NOX4: variants seen among roughly 807,000 people sequenced by gnomAD.
NOX4 encodes the protein kidney oxidase-1.
Under a neutral mutation model 87.6 loss-of-function variants are expected in NOX4, and 69 were observed. The ratio of observed to expected loss-of-function variants is 0.79; its 90% CI spans 0.65 to 0.96. The LOEUF is 0.96. Ranked by LOEUF, NOX4 falls within the 40% of genes least tolerant of loss-of-function variation. The pLI, the probability that NOX4 is intolerant of heterozygous loss-of-function variation, is 0.00. For synonymous variants in NOX4, 275 were observed against 238.2 expected, an observed-to-expected ratio of 1.15 and a Z score of -1.42; for missense variants, 680 against 681.5, an observed-to-expected ratio of 1.00 and a Z score of 0.02.
the NOX4 span, among the ~76,000 whole-genome samples, chr11:89,535,511 T>C: frequency 6.6e-6 from 1 of 152,198 alleles, no homozygotes; most frequent in Non-Finnish European, 1.5e-5. Context: ...GAACGCCAGA[T>C]GTTGTAGCAA....
At chr11:89,354,819 G>A (rs1937885629) in intron 13 of NOX4, 143 bp downstream of exon 13, 1 of 544,802 alleles carries the variant, frequency 1.8e-6, no homozygotes, top group Non-Finnish European at 3.4e-6. Context: ...TTATATTGCA[G>A]AAGATGTCTT....
intron 5 of NOX4, among the ~76,000 whole-genome samples, chr11:89,441,762 G>C (rs973147086): frequency 6.6e-6 from 1 of 151,864 alleles, no homozygotes; most frequent in African/African-American, 2.4e-5. Context: ...AAACATGAGA[G>C]TGAGAGATGT....
At chr11:89,346,740 C>T (rs368984413) in intron 13 of NOX4, among the ~76,000 whole-genome samples, 9 of 152,164 alleles carry the variant, frequency 5.9e-5, no homozygotes, top group Non-Finnish European at 7.4e-5. Context: ...TCTCAGTCAG[C>T]ACTAAGGCTT....
the NOX4 span, among the ~76,000 whole-genome samples, chr11:89,564,914 A>G: frequency 6.6e-6 from 1 of 152,164 alleles, no homozygotes; most frequent in African/African-American, 2.4e-5. Context: ...TGGAAGATCC[A>G]GTCATGGAAA....
At chr11:89,379,827 C>T (rs954875488) in intron 11 of NOX4, among the ~76,000 whole-genome samples, 4 of 152,126 alleles carry the variant, frequency 2.6e-5, no homozygotes, top group African/African-American at 7.2e-5. Context: ...TCCACTATCA[C>T]CACCCTGGTC....
At chr11:89,365,243 G>C (rs1938868057) in intron 12 of NOX4, among the ~76,000 whole-genome samples, 1 of 151,986 alleles carries the variant, frequency 6.6e-6, no homozygotes, top group Non-Finnish European at 1.5e-5. Context: ...AGTGATAAAA[G>C]TCTATTTCTG....
At position 89,421,909 on chromosome 11, in the gene NOX4, C is replaced by T. The variant is rs758523564; in HGVS notation, c.622G>A (p.Val208Ile). The T allele has an allele frequency of 5.1e-6, 8 of 1,565,238 alleles. No individual in the cohort carries two copies. Among genetic ancestry groups the T allele is most frequent in the East Asian group, 2.4e-5 (1 of 41,634 alleles). The stretch of plus-strand genomic sequence containing the variant: ...ATACATTTGTAAACTTACCCTGAAA[C>T]ATGCAACGTCAGCAGCATGTAGAAG... Reference protein sequence around the residue: ...FVFYMLLTLHVSGGLLKYQTN... With the variant: ...FVFYMLLTLHISGGLLKYQTN... The change falls in exon 8 of 18, where the codon GTT becomes ATT. Residue 208 changes from valine (V) to isoleucine (I), a missense_variant. Val to Ile is a conservative substitution (Grantham distance 29). Coordinates refer to ENST00000263317, the MANE Select transcript of NOX4 (RefSeq NM_016931.5).
chr11:89,506,067 A>G, the NOX4 span, among the ~76,000 whole-genome samples: 2 of 151,868 alleles, frequency 1.3e-5, no homozygotes, highest in Non-Finnish European at 2.9e-5. Flanking sequence ...TAGATAAACA[A>G]ACCAATGAAA....
chr11:89,585,325 A>G, the NOX4 span, among the ~76,000 whole-genome samples: 1 of 152,152 alleles, frequency 6.6e-6, no homozygotes, highest in Non-Finnish European at 1.5e-5. Flanking sequence ...AGACCTTCTG[A>G]AATCCACTGT....
At chr11:89,400,467 A>G in intron 9 of NOX4, 88 bp from the exon 10 acceptor site, 1 of 782,124 alleles carries the variant, frequency 1.3e-6, no homozygotes, top group Non-Finnish European at 1.9e-6. Flanking sequence ...CATACATTAC[A>G]GTAATAGTAT....
intron 17 of NOX4, among the ~76,000 whole-genome samples, chr11:89,330,762 T>C (rs2135363142): frequency 6.6e-6 from 1 of 151,844 alleles, no homozygotes; most frequent in South Asian, 2.1e-4. Context: ...TACAAAGCAA[T>C]GGTGAACTGC....
intron 2 of NOX4, among the ~76,000 whole-genome samples, chr11:89,457,377 G>A (rs987575774): frequency 6.6e-6 from 1 of 152,162 alleles, no homozygotes; most frequent in Non-Finnish European, 1.5e-5. Context: ...ACTGCCATAG[G>A]CATGAGCATA....
intron 8 of NOX4, among the ~76,000 whole-genome samples, chr11:89,411,530 C>T (rs1055123379): frequency 6.6e-6 from 1 of 152,126 alleles, no homozygotes; most frequent in African/African-American, 2.4e-5. Flanking sequence ...GAAGCATTCA[C>T]TACAAGCTGA....
chr11:89,520,578 A>G, the NOX4 span, among the ~76,000 whole-genome samples: 1 of 152,074 alleles, frequency 6.6e-6, no homozygotes, highest in Non-Finnish European at 1.5e-5. Context: ...TGACAAACCA[A>G]CAACCAACAC....
At chr11:89,500,250 G>C (rs1173185241), upstream of NOX4, among the ~76,000 whole-genome samples, 1 of 152,104 alleles carries the variant, frequency 6.6e-6, no homozygotes, top group Non-Finnish European at 1.5e-5. Flanking sequence ...ATTTCTGTCA[G>C]TTCTGTCAAT....
chr11:89,353,685 A>T (rs535878653), intron 13 of NOX4, among the ~76,000 whole-genome samples: 1 of 152,244 alleles, frequency 6.6e-6, no homozygotes, highest in African/African-American at 2.4e-5. Context: ...CAAATAGATA[A>T]CCACCTGAGA....
At chr11:89,435,891 T>G (rs2135328005) in intron 6 of NOX4, among the ~76,000 whole-genome samples, 1 of 152,252 alleles carries the variant, frequency 6.6e-6, no homozygotes, top group South Asian at 2.1e-4. Context: ...TTTTCCTTCT[T>G]ATTTCTCAAA....
At chr11:89,407,497 T>G (rs2135210593) in intron 8 of NOX4, among the ~76,000 whole-genome samples, 1 of 152,224 alleles carries the variant, frequency 6.6e-6, no homozygotes, top group African/African-American at 2.4e-5. Flanking sequence ...TAAAGGATTT[T>G]ATGGAGTTTC....
chr11:89,486,095 T>C (rs1048059018), intron 2 of NOX4, among the ~76,000 whole-genome samples: 8 of 151,940 alleles, frequency 5.3e-5, no homozygotes, highest in Admixed American at 1.3e-4. Context: ...ATGTATTTTT[T>C]TTACTCTTTA....
Sources: allele counts gnomAD v4.1 joint callset (sites outside exome capture counted in the v4.1 genomes callset), GRCh38; gene constraint gnomAD v4.1.1; transcripts MANE v1.5; gene names NCBI Gene and HGNC (gene_info 2026-07-23, HGNC 2026-07-21).